The following IMMP2L variants were observed in gnomAD, a reference collection of about 807,000 sequenced individuals.
The protein encoded by IMMP2L is mitochondrial inner membrane protease subunit 2.
IMMP2L carries 18 observed loss-of-function variants against 19.3 expected under a neutral mutation model. The ratio of observed to expected loss-of-function variants is 0.93; its 90% CI spans 0.64 to 1.38. The LOEUF is 1.38. Among genes scored for constraint, IMMP2L ranks in the 40% most tolerant of loss-of-function variants. IMMP2L has a pLI of 0.00. For missense variants in IMMP2L, 233 were observed against 218.2 expected, an observed-to-expected ratio of 1.07 and a Z score of -0.43; for synonymous variants, 76 against 73.0, an observed-to-expected ratio of 1.04 and a Z score of -0.21.
intron 5 of IMMP2L, among the ~76,000 whole-genome samples, chr7:110,664,018 GA>G (rs1000223342): frequency 1.6e-4 from 25 of 152,094 alleles, no homozygotes; most frequent in African/African-American, 6.0e-4. Flanking sequence ...AAAGCTCAAA[GA>G]GGTTAAAAAA....
intron 3 of IMMP2L, among the ~76,000 whole-genome samples, chr7:111,428,356 T>C (rs1836288819): frequency 6.6e-6 from 1 of 151,752 alleles, no homozygotes; most frequent in Admixed American, 6.6e-5. Context: ...TCAATTGTAA[T>C]TTTTTAAAGT....
intron 5 of IMMP2L, among the ~76,000 whole-genome samples, chr7:110,818,804 T>C (rs1227963312): frequency 6.6e-6 from 1 of 151,886 alleles, no homozygotes; most frequent in Non-Finnish European, 1.5e-5. Context: ...GTTCATGTCC[T>C]TTGTAGGGAC....
At chr7:110,750,787 A>C (rs989214122) in intron 5 of IMMP2L, among the ~76,000 whole-genome samples, 1 of 152,058 alleles carries the variant, frequency 6.6e-6, no homozygotes, top group Admixed American at 6.6e-5. Context: ...GACGAGGGTG[A>C]AACTAGTGAG....
chr7:110,685,936 G>T (rs969781424), intron 5 of IMMP2L, among the ~76,000 whole-genome samples: 1 of 152,040 alleles, frequency 6.6e-6, no homozygotes, highest in Non-Finnish European at 1.5e-5. Context: ...TTAGTTAAAT[G>T]AGCAATATTT....
intron 3 of IMMP2L, among the ~76,000 whole-genome samples, chr7:110,990,212 A>G (rs946357528): frequency 6.6e-6 from 1 of 152,216 alleles, no homozygotes; most frequent in African/African-American, 2.4e-5. Context: ...ATAAATTTAT[A>G]ATTTCCTCCC....
chr7:110,898,135 A>T (rs913787391), intron 4 of IMMP2L, among the ~76,000 whole-genome samples: 11 of 151,484 alleles, frequency 7.3e-5, no homozygotes, highest in African/African-American at 2.4e-4. Context: ...TAATTACAAT[A>T]GACATAAAAT....
intron 4 of IMMP2L, among the ~76,000 whole-genome samples, chr7:110,947,718 G>A (rs1817397644): frequency 6.6e-6 from 1 of 152,050 alleles, no homozygotes; most frequent in African/African-American, 2.4e-5. Context: ...ACTTTTTGAT[G>A]TATGTAAAAT....
intron 1 of IMMP2L, among the ~76,000 whole-genome samples, chr7:111,555,591 T>A (rs61515603): frequency 0.02 from 3,054 of 152,134 alleles, 106 homozygotes; most frequent in African/African-American, 0.07. Flanking sequence ...AGCAGTGATA[T>A]GATTTCACTA....
intron 4 of IMMP2L, among the ~76,000 whole-genome samples, chr7:110,895,593 C>G (rs562640745): frequency 1.3e-5 from 2 of 152,222 alleles, no homozygotes; most frequent in African/African-American, 4.8e-5. Flanking sequence ...TGGGATTGCA[C>G]TGAATCTATA....
At chr7:111,284,841 CAAATACAGG>C (rs1272282085) in intron 3 of IMMP2L, among the ~76,000 whole-genome samples, 3 of 152,040 alleles carry the variant, frequency 2.0e-5, no homozygotes, top group Admixed American at 6.5e-5. Flanking sequence ...CAAAAAGTTG[CAAATACAGG>C]AAAACACACT....
intron 3 of IMMP2L, among the ~76,000 whole-genome samples, chr7:111,481,820 A>C (rs1842216072): frequency 6.6e-6 from 1 of 152,166 alleles, no homozygotes; most frequent in African/African-American, 2.4e-5. Context: ...ATGGGAAAAG[A>C]TTTAGACGTA....
intron 5 of IMMP2L, among the ~76,000 whole-genome samples, chr7:110,729,530 G>A (rs1174481174): frequency 6.6e-6 from 1 of 152,152 alleles, no homozygotes; most frequent in Non-Finnish European, 1.5e-5. Context: ...ATTTGGGTGG[G>A]ACACAGAACC....
chr7:111,272,979 C>T (rs528073424), intron 3 of IMMP2L, among the ~76,000 whole-genome samples: 3 of 151,992 alleles, frequency 2.0e-5, no homozygotes, highest in Admixed American at 6.6e-5. Context: ...GGAAGAAACA[C>T]CTAGATCAAA....
chr7:110,670,704 A>C (rs975420029), intron 5 of IMMP2L, among the ~76,000 whole-genome samples: 2 of 150,958 alleles, frequency 1.3e-5, no homozygotes, highest in African/African-American at 2.4e-5. Flanking sequence ...AAAAAAAAAA[A>C]CAAAAAAAAC....
chr7:111,401,805 G>A (rs1032149654), intron 3 of IMMP2L, among the ~76,000 whole-genome samples: 3 of 152,054 alleles, frequency 2.0e-5, no homozygotes, highest in Non-Finnish European at 4.4e-5. Flanking sequence ...AATAGAATTA[G>A]GAAGACTATA....
At chr7:110,755,088 T>C (rs553676455) in intron 5 of IMMP2L, among the ~76,000 whole-genome samples, 1 of 152,180 alleles carries the variant, frequency 6.6e-6, no homozygotes, top group South Asian at 2.1e-4. Flanking sequence ...ACATAAGCTA[T>C]GGGTCTAAAA....
chr7:111,108,368 C>G (rs1250903522), intron 3 of IMMP2L, among the ~76,000 whole-genome samples: 3 of 151,998 alleles, frequency 2.0e-5, no homozygotes, highest in Non-Finnish European at 4.4e-5. Flanking sequence ...ACATTTTAAC[C>G]TAAATTACAT....
chr7:111,268,535 C>T (rs1162471649), intron 3 of IMMP2L, among the ~76,000 whole-genome samples: 4 of 141,144 alleles, frequency 2.8e-5, no homozygotes, highest in African/African-American at 1.0e-4. Context: ...ACTACATTCC[C>T]AGGGTAGAGA....
intron 3 of IMMP2L, among the ~76,000 whole-genome samples, chr7:110,984,597 G>A (rs2129558589): frequency 6.6e-6 from 1 of 152,078 alleles, no homozygotes; most frequent in South Asian, 2.1e-4. Context: ...TCTTTTACTA[G>A]TGATATTTTA....
Sources: gnomAD v4.1 joint callset for allele counts (sites outside exome capture counted in the v4.1 genomes callset) on GRCh38, gnomAD v4.1.1 for gene constraint, MANE v1.5 for transcripts, NCBI Gene and HGNC (gene_info 2026-07-23, HGNC 2026-07-21) for gene names.